C1orf105: variants seen among roughly 807,000 people sequenced by gnomAD.
The protein encoded by C1orf105 is chromosome 1 open reading frame 105.
C1orf105 carries 17 observed loss-of-function variants against 20.8 expected under a neutral mutation model. The ratio of observed to expected loss-of-function variants is 0.82; its 90% confidence interval spans 0.56 to 1.23. The LOEUF is 1.23. C1orf105 is among the 50% of genes most tolerant of loss of function. The pLI is 0.00. For missense variants in C1orf105, 219 were observed against 213.5 expected (o/e 1.03, Z -0.16); for synonymous variants, 72 against 72.1 (o/e 1.00, Z 0.01).
At position 172,420,898 on chromosome 1, in the gene C1orf105, G is replaced by T; in HGVS notation, c.13G>T (p.Glu5Ter). 6.2e-7 allele frequency: 1 copy of T among 1,611,102 alleles called. No individual in the cohort carries two copies. Among genetic ancestry groups the T allele is most frequent in the South Asian group, 1.1e-5 (1 of 90,910 alleles). MEKR[E>*]LKASVPKFDK... ...AAAGATCTGAAAGATGGAAAAAAGAGAACTAAAGGTAGGAAAAAAATAAAT... is the reference window on the plus strand; with the variant it reads ...AAAGATCTGAAAGATGGAAAAAAGATAACTAAAGGTAGGAAAAAAATAAAT... The change falls in exon 1 of 7, where the codon GAA (glutamate) becomes TAA (stop). Residue 5 changes from glutamate to a stop codon, truncating the protein, a stop_gained. Transcript: ENST00000367727. LOFTEE classifies it high-confidence loss of function.
In C1orf105 at chr1:172,420,698, C is replaced by T; in HGVS notation, c.-188C>T. 1.7e-6 allele frequency: 1 copy of T among 602,496 alleles called. No individual in the cohort carries two copies. 37.3% of individuals were successfully genotyped at this position (602,496 alleles called of 1,614,324 possible). A position where few individuals can be genotyped will look rare whatever the true frequency, so the allele number is the denominator to read the frequency against. On this transcript the variant is annotated 5_prime_UTR_variant, in exon 1 of 7. Coordinates refer to ENST00000367727, the MANE Select transcript of C1orf105 (RefSeq NM_139240.4). ...ATTATATGATTCAAGATGTAAATCACACAGATGTTGGTAGAGAAAAAGGCA... is the reference window on the plus strand; with the variant it reads ...ATTATATGATTCAAGATGTAAATCATACAGATGTTGGTAGAGAAAAAGGCA...
intron 1 of C1orf105, among the ~76,000 whole-genome samples, chr1:172,439,857 T>G (rs765212686): frequency 0.016 from 2,384 of 152,310 alleles, 24 homozygotes; most frequent in Middle Eastern, 0.027. Context: ...ATAGAATAAT[T>G]ATGAGGCATG....
chr1:172,459,810 G>A (rs542812920), intron 4 of C1orf105, among the ~76,000 whole-genome samples: 14 of 152,178 alleles, frequency 9.2e-5, no homozygotes, highest in Admixed American at 7.2e-4. Flanking sequence ...AATGCCTAGG[G>A]CTTGATTAAT....
chr1:172,464,954 G>A (rs1051957265), intron 5 of C1orf105, among the ~76,000 whole-genome samples: 3 of 152,002 alleles, frequency 2.0e-5, no homozygotes, highest in South Asian at 2.1e-4. Context: ...AGGCTGAGGC[G>A]GGCAGATCAC....
intron 3 of C1orf105, among the ~76,000 whole-genome samples, chr1:172,452,614 G>A (rs939934134): frequency 8.5e-5 from 13 of 152,228 alleles, no homozygotes; most frequent in African/African-American, 1.7e-4. Flanking sequence ...GTTCAAGAAG[G>A]CCATGGCCTT....
chr1:172,455,941 G>T (rs765112445), intron 3 of C1orf105, among the ~76,000 whole-genome samples: 1 of 152,020 alleles, frequency 6.6e-6, no homozygotes, highest in Non-Finnish European at 1.5e-5. Context: ...GGAAAGGCCC[G>T]TGAAAAAAAG....
chr1:172,444,154 C>G (rs150619027), intron 1 of C1orf105: 2 of 988,098 alleles, frequency 2.0e-6, no homozygotes, highest in Non-Finnish European at 2.4e-6. Flanking sequence ...ACTGCTGCCC[C>G]CTCCTGGCTG....
intron 1 of C1orf105, 86 bp downstream of exon 1, chr1:172,420,992 C>A: frequency 1.6e-6 from 2 of 1,227,698 alleles, no homozygotes; most frequent in Non-Finnish European, 2.3e-6. Flanking sequence ...GCCACATAAA[C>A]ATTGAGGGGT....
At chr1:172,429,608 G>A (rs755696465) in intron 1 of C1orf105, among the ~76,000 whole-genome samples, 3 of 152,144 alleles carry the variant, frequency 2.0e-5, no homozygotes, top group Non-Finnish European at 2.9e-5. Flanking sequence ...TGAGCCTTTG[G>A]CTTGGAGGAT....
At chr1:172,444,343 C>G (rs942168344) in intron 1 of C1orf105, 21 of 972,344 alleles carry the variant, frequency 2.2e-5, no homozygotes, top group Non-Finnish European at 2.6e-5. Context: ...ATAATGGCCG[C>G]TTTTGTTGCG....
chr1:172,440,454 T>C lies in C1orf105; in HGVS notation c.22-4619T>C, dbSNP rs189562316. Among the ~76,000 whole-genome samples the C allele has an allele frequency of 1.1e-3, 164 of 152,330 alleles. 1 individual carries two copies. Among genetic ancestry groups the C allele is most frequent in the African/African-American group, 3.8e-3 (156 of 41,570 alleles). On this transcript the variant is annotated intron_variant, in intron 1 of 6. Transcript: ENST00000367727. ...TTTGCATGTATCCCATTTACCACAA[T>C]TCTAGAGGTAGATACTTTTATTCCC...
chr1:172,448,598 T>A (rs1648277623), intron 3 of C1orf105, 67 bp downstream of exon 3: 1 of 895,758 alleles, frequency 1.1e-6, no homozygotes, highest in Admixed American at 1.8e-5. Context: ...TATGAATACA[T>A]GTCCCATCTC....
chr1:172,467,943 G>T (rs531940845), intron 6 of C1orf105, among the ~76,000 whole-genome samples: 1 of 152,216 alleles, frequency 6.6e-6, no homozygotes, highest in South Asian at 2.1e-4. Context: ...ACAAAATACA[G>T]ATTTCTTTTG....
intron 1 of C1orf105, among the ~76,000 whole-genome samples, chr1:172,427,811 T>C (rs10752953): frequency 0.83 from 125,695 of 152,144 alleles, 52,157 homozygotes; most frequent in East Asian, 1. Context: ...TCTTGGTCCT[T>C]TTCTGTCTAT....
At chr1:172,461,457 C>T (rs6690191) in intron 4 of C1orf105, among the ~76,000 whole-genome samples, 36,966 of 151,948 alleles carry the variant, frequency 0.24, 4,697 homozygotes, top group South Asian at 0.41. Flanking sequence ...CAATAATTTT[C>T]GAGAAATAAC....
chr1:172,456,570 AG>A (rs977083919), intron 4 of C1orf105, 81 bp downstream of exon 4: 1 of 1,402,148 alleles, frequency 7.1e-7, no homozygotes, highest in African/African-American at 1.4e-5. Flanking sequence ...CTGTGGGGAG[AG>A]ATAGTGACGG....
At chr1:172,428,207 G>T (rs1032187505) in intron 1 of C1orf105, among the ~76,000 whole-genome samples, 1 of 151,958 alleles carries the variant, frequency 6.6e-6, no homozygotes, top group Non-Finnish European at 1.5e-5. Context: ...ACTATTTTCC[G>T]CCACTTCCTC....
intron 1 of C1orf105, among the ~76,000 whole-genome samples, chr1:172,444,827 C>G (rs574182092): frequency 6.6e-6 from 1 of 152,280 alleles, no homozygotes; most frequent in South Asian, 2.1e-4. Context: ...AGTCAGAAAA[C>G]ATGACCCATT....
intron 5 of C1orf105, among the ~76,000 whole-genome samples, chr1:172,463,480 T>C (rs1649836545): frequency 6.6e-6 from 1 of 152,192 alleles, no homozygotes; most frequent in Non-Finnish European, 1.5e-5. Context: ...GACAAAGTTA[T>C]GGAGGAAGTG....
Sources: gnomAD v4.1 joint callset for allele counts (sites outside exome capture counted in the v4.1 genomes callset) on GRCh38, gnomAD v4.1.1 for gene constraint, MANE v1.5 for transcripts, NCBI Gene and HGNC (gene_info 2026-07-23, HGNC 2026-07-21) for gene names.